Variants in EML4 observed in about 807,000 individuals in gnomAD.
EML4 encodes the protein EMAP like 4, also known as echinoderm microtubule-associated protein-like 4.
Under a neutral mutation model 129.0 loss-of-function variants are expected in EML4, and 72 were observed. The observed-to-expected ratio is 0.56, with a 90% CI of 0.46 to 0.68. The LOEUF (loss-of-function observed/expected upper bound fraction) is 0.68, where lower values mean the gene tolerates loss of function less well. Ranked by LOEUF, EML4 falls within the 30% of genes least tolerant of loss-of-function variation. The pLI, the probability that EML4 is intolerant of heterozygous loss-of-function variation, is 0.00. For synonymous variants in EML4, 532 were observed against 405.0 expected (o/e 1.31, Z -3.77); for missense variants, 1,363 against 1,190.6 (o/e 1.14, Z -2.13).
At chr2:42,272,110 T>C (rs887388880) in intron 6 of EML4, among the ~76,000 whole-genome samples, 12 of 147,916 alleles carry the variant, frequency 8.1e-5, no homozygotes, top group African/African-American at 3.0e-4. Context: ...TGTCCAAAAA[T>C]GGCAGTTATA....
At chr2:42,272,494 T>A (rs772209679) in intron 6 of EML4, among the ~76,000 whole-genome samples, 3 of 151,750 alleles carry the variant, frequency 2.0e-5, no homozygotes, top group Non-Finnish European at 4.4e-5. Context: ...TTTCATTTGT[T>A]TTGGTCTCAA....
rs192421267 is a variant in EML4, at chr2:42,237,147, C to T, written c.26-8358C>T. Among the ~76,000 whole-genome samples, 186 of 152,242 alleles carry T rather than the reference C, an allele frequency of 1.2e-3. 1 individual carries two copies. Among genetic ancestry groups the T allele is most frequent in the Non-Finnish European group, 2.4e-3 (160 of 68,012 alleles). ...AGACAGGGATGCCATGTTGCCCAGG[C>T]TGGTCTCGAACTCCTGAACTCAAGC... On this transcript the variant is annotated intron_variant, in intron 1 of 22. Transcript: ENST00000318522.
rs749331564 is a variant in EML4 at position 42,331,625 on chromosome 2, C to G, written c.*1418C>G. 1.8e-5 allele frequency: 4 copies of G among 223,490 alleles called. No homozygotes were observed. Among genetic ancestry groups the G allele is most frequent in the African/African-American group, 4.5e-5 (2 of 44,802 alleles). 13.8% of individuals were successfully genotyped at this position (223,490 alleles called of 1,614,324 possible). ...GATGAGTTAAGAAGTCTTAAGTATG[C>G]AGGCGTTTACGTGATTGTGCCATTC... On this transcript the variant is annotated 3_prime_UTR_variant, in exon 23 of 23. Transcript: ENST00000318522.
At position 42,232,464 on chromosome 2, in the gene EML4, C is replaced by G. The variant is rs1674409074; in HGVS notation, c.26-13041C>G. 1.3e-5 allele frequency among the ~76,000 whole-genome samples: 2 copies of G among 152,174 alleles called. 1 individual carries two copies. The highest frequency in any genetic ancestry group is 1.3e-4 in the Admixed American group (2 of 15,278). Reference sequence around the variant, plus strand: ...ACAGCCTTACATTTGTCTGGTGATTCAAGTATAACGACATACAATCTGCTT... The same window carrying G: ...ACAGCCTTACATTTGTCTGGTGATTGAAGTATAACGACATACAATCTGCTT... On this transcript the variant is annotated intron_variant, in intron 1 of 22. Transcript: ENST00000318522.
chr2:42,270,818 T>C (rs960603254), intron 6 of EML4, among the ~76,000 whole-genome samples: 7 of 152,286 alleles, frequency 4.6e-5, no homozygotes, highest in African/African-American at 1.4e-4. Context: ...AAGAAGTTTG[T>C]TGAGTGTGGA....
intron 11 of EML4, 56 bp from the exon 12 acceptor site, chr2:42,295,069 T>TA: frequency 7.0e-7 from 1 of 1,438,488 alleles, no homozygotes; most frequent in Non-Finnish European, 9.3e-7. Flanking sequence ...ATTGAATTGA[T>TA]ACTTGAAGGA....
intron 1 of EML4, among the ~76,000 whole-genome samples, chr2:42,186,403 T>C (rs919273407): frequency 6.6e-6 from 1 of 152,196 alleles, no homozygotes; most frequent in Non-Finnish European, 1.5e-5. Context: ...ACAAACTTGC[T>C]GTATACCCTA....
At chr2:42,267,794 A>T (rs1666145370) in intron 6 of EML4, among the ~76,000 whole-genome samples, 1 of 152,186 alleles carries the variant, frequency 6.6e-6, no homozygotes, top group Admixed American at 6.5e-5. Flanking sequence ...CTGAAACCTA[A>T]ACTTTTTTTC....
At chr2:42,284,897 T>C (rs180950066) in intron 9 of EML4, among the ~76,000 whole-genome samples, 194 bp downstream of exon 9, 197 of 152,284 alleles carry the variant, frequency 1.3e-3, no homozygotes, top group Non-Finnish European at 2.3e-3. Flanking sequence ...ATAAATTTTG[T>C]TTTTAAAAAA....
chr2:42,182,308 C>G (rs1423204699), intron 1 of EML4, among the ~76,000 whole-genome samples: 1 of 137,916 alleles, frequency 7.3e-6, no homozygotes. Flanking sequence ...TCCCTCCCCC[C>G]TCCCCCCTCC....
chr2:42,201,097 T>C (rs1672205305), intron 1 of EML4, among the ~76,000 whole-genome samples: 2 of 152,226 alleles, frequency 1.3e-5, no homozygotes, highest in Non-Finnish European at 1.5e-5. Flanking sequence ...TCAAGTCGAA[T>C]TTCTGAAGAT....
chr2:42,205,713 T>C (rs1307864033), intron 1 of EML4, among the ~76,000 whole-genome samples: 1 of 152,204 alleles, frequency 6.6e-6, no homozygotes, highest in Non-Finnish European at 1.5e-5. Context: ...GTTACAGTAA[T>C]ACTATGTCAG....
At chr2:42,279,462 T>C (rs532684968) in intron 6 of EML4, among the ~76,000 whole-genome samples, 4 of 142,632 alleles carry the variant, frequency 2.8e-5, no homozygotes, top group African/African-American at 7.6e-5. Context: ...ACTTGCCGTC[T>C]TTTTTTTTTT....
intron 1 of EML4, among the ~76,000 whole-genome samples, chr2:42,241,539 A>G (rs892382303): frequency 5.9e-5 from 9 of 152,280 alleles, no homozygotes; most frequent in African/African-American, 2.2e-4. Flanking sequence ...GGTTACTGCA[A>G]CAGCCTCCTG....
intron 1 of EML4, among the ~76,000 whole-genome samples, chr2:42,185,371 CT>C (rs1671188890): frequency 6.6e-6 from 1 of 152,164 alleles, no homozygotes; most frequent in Admixed American, 6.5e-5. Context: ...TCTGTAACTG[CT>C]GTCACATGAC....
chr2:42,244,101 G>GTTTTTTTTTTT (rs147426155), intron 1 of EML4, among the ~76,000 whole-genome samples: 26 of 81,354 alleles, frequency 3.2e-4, no homozygotes, highest in Non-Finnish European at 6.6e-4. Flanking sequence ...TTTGTTTTTT[G>GTTTTTTTTTTT]TTTTTTTTTT....
rs1668402863 is a variant in EML4 at position 42,303,355 on chromosome 2, T to G, written c.1808T>G (p.Phe603Cys). ...CTTTGGGGTCTTGCCACACATCCCT[T>G]CAAAGATTTGCTCTTGACATGTGCT... ...DELWGLATHP[F>C]KDLLLTCAQD... Residue 603 changes from phenylalanine (F) to cysteine (C), a missense_variant, in exon 16 of 23, where the codon TTC becomes TGC. Coordinates refer to ENST00000318522, the MANE Select transcript of EML4 (RefSeq NM_019063.5). 1 of 1,614,026 alleles carries G rather than the reference T, an allele frequency of 6.2e-7. No individual in the cohort carries two copies. Among genetic ancestry groups the G allele is most frequent in the Admixed American group, 1.7e-5 (1 of 59,998 alleles).
At chr2:42,230,889 A>G (rs911318492) in intron 1 of EML4, among the ~76,000 whole-genome samples, 3 of 152,180 alleles carry the variant, frequency 2.0e-5, no homozygotes, top group African/African-American at 7.2e-5. Context: ...AGCCCTTCAC[A>G]TCTCTAACGC....
At chr2:42,256,745 C>A in intron 3 of EML4, 115 bp downstream of exon 3, 2 of 1,272,512 alleles carry the variant, frequency 1.6e-6, no homozygotes, top group East Asian at 2.4e-5. Context: ...TGAGCATGTC[C>A]TTTGAATTCT....
Sources: allele counts gnomAD v4.1 joint callset (sites outside exome capture counted in the v4.1 genomes callset), GRCh38; gene constraint gnomAD v4.1.1; transcripts MANE v1.5; gene names NCBI Gene and HGNC (gene_info 2026-07-23, HGNC 2026-07-21).